TRAF5: variants seen among roughly 807,000 people sequenced by gnomAD.
The protein encoded by TRAF5 is TNF receptor-associated factor 5.
A neutral mutation model predicts 64.5 loss-of-function variants in TRAF5; 48 were observed. The observed-to-expected ratio is 0.74, with a 90% CI of 0.59 to 0.95. TRAF5 has a LOEUF of 0.95. Ranked by LOEUF, TRAF5 falls within the 40% of genes least tolerant of loss-of-function variation. TRAF5 has a pLI of 0.00. For missense variants in TRAF5, 545 were observed against 662.8 expected (o/e 0.82, Z 1.95); for synonymous variants, 206 against 240.5 (o/e 0.86, Z 1.33).
rs1185430063 is a variant in TRAF5 at position 211,373,553 on chromosome 1, G to A, written c.*851G>A. ...ATATATGTGTGTATACAAACAGTTC[G>A]AATGTATTTTGGTGACAGTAATAAA... On this transcript the variant is annotated 3_prime_UTR_variant, in exon 11 of 11. Transcript: ENST00000261464. The A allele has an allele frequency of 3.3e-5, 5 of 152,110 alleles. No individual in the cohort carries two copies. The highest frequency in any genetic ancestry group is 1.9e-4 in the East Asian group (1 of 5,188). 9.4% of individuals were successfully genotyped at this position (152,110 alleles called of 1,614,324 possible). A position where few individuals can be genotyped will look rare whatever the true frequency, so the allele number is the denominator to read the frequency against.
In TRAF5 at chr1:211,372,331, A is replaced by AT; in HGVS notation, c.1303_1304insT (p.Thr435IlefsTer11). 1 of 1,612,134 alleles carries AT rather than the reference A, an allele frequency of 6.2e-7. No homozygotes were observed. The highest frequency in any genetic ancestry group is 1.1e-5 in the South Asian group (1 of 91,036). ...GTCCATCTTCAGCCAGTCCTTCTAC[A>AT]CCAGCCGCTGTGGCTACCGGCTCTG... On this transcript the variant is annotated frameshift_variant, in exon 11 of 11. Coordinates refer to ENST00000261464, the MANE Select transcript of TRAF5 (RefSeq NM_001033910.3). LOFTEE classifies it high-confidence loss of function.
chr1:211,342,002 G>A (rs1702460837), intron 1 of TRAF5, among the ~76,000 whole-genome samples: 1 of 152,164 alleles, frequency 6.6e-6, no homozygotes, highest in Non-Finnish European at 1.5e-5. Flanking sequence ...ACACCTCTGT[G>A]TACTACCACT....
chr1:211,362,616 G>T (rs1048070280), intron 7 of TRAF5, among the ~76,000 whole-genome samples: 10 of 152,100 alleles, frequency 6.6e-5, no homozygotes, highest in Non-Finnish European at 1.3e-4. Context: ...GGAGGCCAAG[G>T]TTGCAGTGAG....
intron 1 of TRAF5, among the ~76,000 whole-genome samples, chr1:211,338,817 G>T (rs1009516394): frequency 3.9e-5 from 6 of 152,108 alleles, no homozygotes; most frequent in Non-Finnish European, 7.3e-5. Flanking sequence ...TAGAGACAGG[G>T]TTTCACCATG....
chr1:211,333,435 C>G (rs552117594), intron 1 of TRAF5, among the ~76,000 whole-genome samples: 1 of 151,704 alleles, frequency 6.6e-6, no homozygotes, highest in African/African-American at 2.4e-5. Context: ...GCGATCCACT[C>G]CCCCCCCACT....
chr1:211,343,612 A>G (rs576783855), intron 1 of TRAF5, among the ~76,000 whole-genome samples: 1 of 152,224 alleles, frequency 6.6e-6, no homozygotes, highest in South Asian at 2.1e-4. Context: ...GCTAATGCAT[A>G]TAATTAGCTG....
chr1:211,366,358 C>T (rs1332033419), intron 8 of TRAF5, among the ~76,000 whole-genome samples: 1 of 152,176 alleles, frequency 6.6e-6, no homozygotes, highest in South Asian at 2.1e-4. Flanking sequence ...TTTTCTGTAT[C>T]AGTTGCCTCA....
chr1:211,338,550 C>T (rs1702365883), intron 1 of TRAF5, among the ~76,000 whole-genome samples: 1 of 152,150 alleles, frequency 6.6e-6, no homozygotes, highest in South Asian at 2.1e-4. Context: ...TATTTATGTG[C>T]CAGGAATTGT....
Position 211,373,572 on chromosome 1 carries a change from TAATA to T in TRAF5, c.*874_*877del, listed in dbSNP as rs893109722. 2.6e-5 allele frequency: 4 copies of T among 152,164 alleles called. No individual in the cohort carries two copies. Among genetic ancestry groups the T allele is most frequent in the African/African-American group, 9.7e-5 (4 of 41,434 alleles). The allele number at this position is 152,164 out of a possible 1,614,324, so 9.4% of individuals were successfully genotyped here. On this transcript the variant is annotated 3_prime_UTR_variant, in exon 11 of 11. Transcript: ENST00000261464. ...CAGTTCGAATGTATTTTGGTGACAG[TAATA>T]AATCAATGTGAGGATGGATAGAATT...
At chr1:211,327,676 C>T (rs1702058817) in intron 1 of TRAF5, among the ~76,000 whole-genome samples, 1 of 152,170 alleles carries the variant, frequency 6.6e-6, no homozygotes, top group Non-Finnish European at 1.5e-5. Flanking sequence ...TCTGGCTGGC[C>T]GACTTTCTCT....
At chr1:211,346,367 G>A in intron 1 of TRAF5, 1 of 985,458 alleles carries the variant, frequency 1.0e-6, no homozygotes, top group South Asian at 4.7e-5. Flanking sequence ...CAGGATCAGT[G>A]CAGGGATGTG....
In TRAF5 at chr1:211,352,884, A is replaced by G. The variant is rs372397568; in HGVS notation, c.-1-355A>G. On this transcript the variant is annotated intron_variant, in intron 1 of 10. Transcript: ENST00000261464. The stretch of plus-strand genomic sequence containing the variant: ...CTCATTGAGTGGAAGAAAAATTCCT[A>G]ACAGTTTACTTATAATGTAATTAAC... 7.9e-5 allele frequency among the ~76,000 whole-genome samples: 12 copies of G among 152,236 alleles called. No individual in the cohort carries two copies. The East Asian group carries it at 2.1e-3, about 27-fold the overall frequency.
chr1:211,345,870 C>T (rs1702591590), intron 1 of TRAF5, among the ~76,000 whole-genome samples: 1 of 152,196 alleles, frequency 6.6e-6, no homozygotes, highest in Non-Finnish European at 1.5e-5. Flanking sequence ...CCACTCTTCC[C>T]ATCCCAGTGC....
chr1:211,327,114 G>A (rs1360314763), intron 1 of TRAF5, among the ~76,000 whole-genome samples: 4 of 152,054 alleles, frequency 2.6e-5, no homozygotes, highest in Non-Finnish European at 4.4e-5. Flanking sequence ...GACCGCCGAC[G>A]GCCCGGGGAC....
intron 1 of TRAF5, among the ~76,000 whole-genome samples, chr1:211,331,724 G>A (rs1702161592): frequency 6.6e-6 from 1 of 151,660 alleles, no homozygotes; most frequent in African/African-American, 2.4e-5. Flanking sequence ...GTAGTGCAGT[G>A]GCACAGTCTC....
At chr1:211,348,693 TA>T (rs2102735091) in intron 1 of TRAF5, among the ~76,000 whole-genome samples, 1 of 152,332 alleles carries the variant, frequency 6.6e-6, no homozygotes, top group East Asian at 1.9e-4. Flanking sequence ...TTTTCTGTTG[TA>T]GATGTCCAGT....
chr1:211,356,161 T>C (rs1258995694), intron 3 of TRAF5, among the ~76,000 whole-genome samples: 10 of 152,240 alleles, frequency 6.6e-5, no homozygotes, highest in African/African-American at 2.4e-4. Flanking sequence ...GTTACCTGGC[T>C]TGTATGTTTA....
chr1:211,369,864 T>C (rs1703468975), intron 9 of TRAF5, among the ~76,000 whole-genome samples: 1 of 152,178 alleles, frequency 6.6e-6, no homozygotes, highest in Admixed American at 6.6e-5. Flanking sequence ...GCACGTGCTC[T>C]CTCTAAACCA....
At position 211,369,467 on chromosome 1, in the gene TRAF5, A is replaced by G; in HGVS notation, c.805A>G (p.Lys269Glu). 6.3e-7 allele frequency: 1 copy of G among 1,593,352 alleles called. No individual in the cohort carries two copies. The highest frequency in any genetic ancestry group is 8.5e-7 in the Non-Finnish European group (1 of 1,173,942). The change falls in exon 9 of 11, where the codon AAG (lysine) becomes GAG (glutamate). Residue 269 changes from lysine to glutamate, a missense_variant. Transcript: ENST00000261464. ...QLEEQISDLH[K>E]SLEQKESKIQ... is the part of the protein sequence containing the mutation. ...CTGTTATTAGATTTCTGACTTACAC[A>G]AGAGCCTAGAACAGAAAGAAAGTAA...
Sources: gnomAD v4.1 joint callset for allele counts (sites outside exome capture counted in the v4.1 genomes callset) on GRCh38, gnomAD v4.1.1 for gene constraint, MANE v1.5 for transcripts, NCBI Gene and HGNC (gene_info 2026-07-23, HGNC 2026-07-21) for gene names.